CRLF3: variants seen among roughly 807,000 people sequenced by gnomAD.
CRLF3 encodes cytokine receptor like factor 3.
In CRLF3, 33 loss-of-function variants were observed where a neutral mutation model predicts 55.0. That is an observed-to-expected ratio of 0.60 (90% CI 0.46 to 0.80). The LOEUF is 0.80. Ranked by LOEUF, CRLF3 falls within the 30% of genes least tolerant of loss-of-function variation. The pLI is 0.00. For synonymous variants in CRLF3, 238 were observed against 196.8 expected, an observed-to-expected ratio of 1.21 and a Z score of -1.75; for missense variants, 494 against 538.4, an observed-to-expected ratio of 0.92 and a Z score of 0.82.
rs573840580 is a variant in CRLF3, at chr17:30,797,391, G to T, written c.345C>A (p.Ile115=). The stretch of plus-strand genomic sequence containing the variant: ...CTTCTCCCACACCACCAAGCATGGC[G>T]ATTTCACCTACAATCAAGAATAAGA... ...TAEDLVREGE[I]AMLGGVGEEN... is the part of the protein sequence containing the mutation. The change falls in exon 3 of 8, where the codon ATC becomes ATA. Residue 115 remains isoleucine (I), a synonymous_variant. Coordinates refer to ENST00000324238, the MANE Select transcript of CRLF3 (RefSeq NM_015986.4). The T allele has an allele frequency of 1.9e-6, 3 of 1,612,696 alleles. No homozygotes were observed. Among genetic ancestry groups the T allele is most frequent in the African/African-American group, 2.7e-5 (2 of 74,968 alleles).
At chr17:30,786,146 T>A in intron 6 of CRLF3, 115 bp from the exon 7 acceptor site, 1 of 649,858 alleles carries the variant, frequency 1.5e-6, no homozygotes, top group Non-Finnish European at 2.7e-6. Flanking sequence ...TTCTAAATAG[T>A]ACAGCAACCA....
At chr17:30,797,705 A>G (rs1971940532) in intron 2 of CRLF3, among the ~76,000 whole-genome samples, 1 of 152,096 alleles carries the variant, frequency 6.6e-6, no homozygotes, top group South Asian at 2.1e-4. Flanking sequence ...TCTCTCCTAC[A>G]GAATCATTAT....
At position 30,783,132 on chromosome 17, in the gene CRLF3, G is replaced by A. The variant is rs1971538707; in HGVS notation, c.*1055C>T. On this transcript the variant is annotated 3_prime_UTR_variant, in exon 8 of 8. Transcript: ENST00000324238. ...GCTCATTCTCTGCAAAGAGTAAAAT[G>A]CATGTCACAGGCAGATTGGATACAC... 6.6e-6 allele frequency: 1 copy of A among 152,150 alleles called. No individual in the cohort carries two copies. The highest frequency in any genetic ancestry group is 2.4e-5 in the African/African-American group (1 of 41,420). The allele number at this position is 152,150 out of a possible 1,614,324, so 9.4% of individuals were successfully genotyped here.
At chr17:30,800,222 T>C (rs1291611911) in intron 2 of CRLF3, among the ~76,000 whole-genome samples, 1 of 152,192 alleles carries the variant, frequency 6.6e-6, no homozygotes, top group Non-Finnish European at 1.5e-5. Flanking sequence ...CCCTTAGCGT[T>C]CTAATCTCTT....
chr17:30,788,873 T>C (rs1971716620), intron 6 of CRLF3, among the ~76,000 whole-genome samples: 1 of 152,088 alleles, frequency 6.6e-6, no homozygotes, highest in African/African-American at 2.4e-5. Flanking sequence ...CCCAAAGTGC[T>C]GGGATTACAG....
intron 3 of CRLF3, 129 bp from the exon 4 acceptor site, chr17:30,796,466 G>A (rs984347444): frequency 6.7e-6 from 4 of 600,504 alleles, no homozygotes; most frequent in South Asian, 6.0e-5. Context: ...TGGCAGTAGG[G>A]GATTTGCAAG....
intron 1 of CRLF3, among the ~76,000 whole-genome samples, chr17:30,805,013 T>C (rs1904345445): frequency 6.6e-6 from 1 of 152,074 alleles, no homozygotes; most frequent in Non-Finnish European, 1.5e-5. Flanking sequence ...TGAAACCCTG[T>C]ATCTACTAAA....
chr17:30,789,045 G>A (rs540395691), intron 6 of CRLF3, among the ~76,000 whole-genome samples: 18 of 152,212 alleles, frequency 1.2e-4, no homozygotes, highest in African/African-American at 4.3e-4. Flanking sequence ...AGTCCCCCTT[G>A]CATTCACATC....
rs201979768 is a variant in CRLF3, at chr17:30,797,356, T to G, written c.380A>C (p.Lys127Thr). Residue 127 changes from lysine (K) to threonine (T), a missense_variant, in exon 3 of 8, where the codon AAA (lysine) becomes ACA (threonine). Transcript: ENST00000324238. ...GGCCTTTTTGGTAAAGCTCCACAGT[T>G]TCTCATTCTCTTCTCCCACACCACC... is the stretch of plus-strand genomic sequence containing the variant. ...MLGGVGEENE[K>T]LWSFTKKASH... is the part of the protein sequence containing the mutation. 6.2e-7 allele frequency: 1 copy of G among 1,614,056 alleles called. No individual in the cohort carries two copies. Among genetic ancestry groups the G allele is most frequent in the African/African-American group, 1.3e-5 (1 of 75,038 alleles).
chr17:30,795,478 A>C lies in CRLF3; in HGVS notation c.603+682T>G, dbSNP rs201122423. Among the ~76,000 whole-genome samples, 4 of 148,364 alleles carry C rather than the reference A, an allele frequency of 2.7e-5. No individual in the cohort carries two copies. In the East Asian group the frequency reaches 6.0e-4, roughly 22 times the overall value. ...GCCATTGTATTCCAGCCTGAACAACAACAACGAAACTCTGTCTCAAAAAAA... is the reference window on the plus strand; with the variant it reads ...GCCATTGTATTCCAGCCTGAACAACCACAACGAAACTCTGTCTCAAAAAAA... On this transcript the variant is annotated intron_variant, in intron 4 of 7. Coordinates refer to ENST00000324238, the MANE Select transcript of CRLF3 (RefSeq NM_015986.4).
At chr17:30,807,111 C>G (rs532674225) in intron 1 of CRLF3, among the ~76,000 whole-genome samples, 1 of 152,214 alleles carries the variant, frequency 6.6e-6, no homozygotes, top group Middle Eastern at 3.4e-3. Context: ...TTTTCTCTCG[C>G]TTAATGGGAA....
intron 4 of CRLF3, among the ~76,000 whole-genome samples, chr17:30,795,147 C>T (rs1424268589): frequency 6.6e-6 from 1 of 151,990 alleles, no homozygotes; most frequent in Non-Finnish European, 1.5e-5. Context: ...TAGAAAATAA[C>T]AACAGCATGT....
At chr17:30,792,319 C>T in intron 6 of CRLF3, 121 bp downstream of exon 6, 2 of 881,822 alleles carry the variant, frequency 2.3e-6, no homozygotes, top group Non-Finnish European at 3.5e-6. Flanking sequence ...AGCCTTCCCA[C>T]AGTAACACTG....
In CRLF3 at chr17:30,824,679, G is replaced by C; in HGVS notation, c.-28C>G. 6 of 1,580,504 alleles carry C rather than the reference G, an allele frequency of 3.8e-6. No homozygotes were observed. Among genetic ancestry groups the C allele is most frequent in the Non-Finnish European group, 5.1e-6 (6 of 1,170,308 alleles). On this transcript the variant is annotated 5_prime_UTR_variant, in exon 1 of 8. Transcript: ENST00000324238. ...GGCCGCGCGGCCGGCGAAACCTAGC[G>C]CGGGTTCCCGACTGCACCGGGCGCC...
In CRLF3 at chr17:30,824,616, C is replaced by CAGCA; in HGVS notation, c.32_35dup (p.Leu13AlafsTer24). Reference sequence around the variant, plus strand: ...CCACGTTCTCGCGGGCCTCCTGCAACAGCAGCTCAGGCTCCAGCTCCATCG... The same window carrying CAGCA: ...CCACGTTCTCGCGGGCCTCCTGCAACAGCAAGCAGCTCAGGCTCCAGCTCCATCG... On this transcript the variant is annotated frameshift_variant, in exon 1 of 8. Transcript: ENST00000324238. LOFTEE classifies it high-confidence loss of function. 1.2e-6 allele frequency: 2 copies of CAGCA among 1,605,554 alleles called. No homozygotes were observed. The highest frequency in any genetic ancestry group is 1.7e-6 in the Non-Finnish European group (2 of 1,179,258).
At chr17:30,808,234 A>G (rs1904481354) in intron 1 of CRLF3, among the ~76,000 whole-genome samples, 1 of 151,436 alleles carries the variant, frequency 6.6e-6, no homozygotes, top group East Asian at 1.9e-4. Flanking sequence ...GCTAAATCAG[A>G]ACATGAATTT....
intron 6 of CRLF3, chr17:30,786,333 G>A (rs561471827): frequency 2.1e-4 from 42 of 201,410 alleles, no homozygotes; most frequent in Admixed American, 1.1e-3. Flanking sequence ...TCCGCCTCCC[G>A]GGTTCAAGCA....
At chr17:30,788,869 G>A (rs567770042) in intron 6 of CRLF3, among the ~76,000 whole-genome samples, 4 of 152,004 alleles carry the variant, frequency 2.6e-5, no homozygotes, top group Admixed American at 1.3e-4. Flanking sequence ...GCCTCCCAAA[G>A]TGCTGGGATT....
At chr17:30,814,144 A>G (rs1365089679) in intron 1 of CRLF3, among the ~76,000 whole-genome samples, 2 of 152,002 alleles carry the variant, frequency 1.3e-5, no homozygotes, top group African/African-American at 2.4e-5. Context: ...GTAATCCCAG[A>G]TACTCGGGAG....
Sources: allele counts gnomAD v4.1 joint callset (sites outside exome capture counted in the v4.1 genomes callset), GRCh38; gene constraint gnomAD v4.1.1; transcripts MANE v1.5; gene names NCBI Gene and HGNC (gene_info 2026-07-23, HGNC 2026-07-21).